The following DUSP22 variants were observed in gnomAD, a reference collection of about 807,000 sequenced individuals.
DUSP22 encodes dual specificity phosphatase 22, also known as dual specificity protein phosphatase 22.
DUSP22 carries 24 observed loss-of-function variants against 24.5 expected under a neutral mutation model. The ratio of observed to expected loss-of-function variants is 0.98; its 90% CI spans 0.71 to 1.38. The LOEUF is 1.38. Among genes scored for constraint, DUSP22 ranks in the 40% most tolerant of loss-of-function variants. DUSP22 has a pLI of 0.00. For missense variants in DUSP22, 330 were observed against 269.2 expected, an observed-to-expected ratio of 1.23 and a Z score of -1.58; for synonymous variants, 160 against 106.4, an observed-to-expected ratio of 1.50 and a Z score of -3.10.
chr6:311,820 C>A (rs1412492165), intron 2 of DUSP22, 60 bp from the exon 3 acceptor site: 12 of 1,478,888 alleles, frequency 8.1e-6, no homozygotes, highest in East Asian at 4.8e-5. Context: ...TCTGGCTAGA[C>A]TTTAGGAGTA....
At position 345,854 on chromosome 6, in the gene DUSP22, G is replaced by A; in HGVS notation, c.189G>A (p.Leu63=). The change falls in exon 5 of 7, where the codon CTG becomes CTA. Residue 63 remains leucine, a splice_region_variant and synonymous_variant. Transcript: ENST00000419235. ...CATTTCTCTTTTTTTCTTTTCCCAG[G>A]ACAAGACATTTCAAAGAAAGTATTA... ...IPAADSPSQN[L]TRHFKESIKF... The A allele has an allele frequency of 6.2e-7, 1 of 1,614,186 alleles. No individual in the cohort carries two copies. The highest frequency in any genetic ancestry group is 8.5e-7 in the Non-Finnish European group (1 of 1,179,992).
chr6:302,901 T>C (rs572553586), intron 1 of DUSP22, among the ~76,000 whole-genome samples: 1 of 152,422 alleles, frequency 6.6e-6, no homozygotes, highest in South Asian at 2.1e-4. Context: ...TCAGGGGAAC[T>C]GGATTAGACA....
intron 4 of DUSP22, among the ~76,000 whole-genome samples, chr6:337,537 C>T (rs921051453): frequency 1.2e-4 from 18 of 152,300 alleles, no homozygotes; most frequent in South Asian, 4.1e-4. Flanking sequence ...TCTCTGAGTT[C>T]TAGGTCTCGT....
rs982465536 is a variant in DUSP22, at chr6:312,461, T to C, written c.138+499T>C. On this transcript the variant is annotated intron_variant, in intron 3 of 6. Transcript: ENST00000419235. ...TCTCGGTGTAGAAGCTGTTGTGTTT[T>C]AGGTTTTCGGGGTAAACAGGGTGTG... Among the ~76,000 whole-genome samples the C allele has an allele frequency of 1.7e-4, 26 of 152,192 alleles. No homozygotes were observed. In the East Asian group the frequency reaches 3.5e-3, roughly 20 times the overall value.
At chr6:313,842 A>G (rs535338605) in intron 3 of DUSP22, among the ~76,000 whole-genome samples, 1 of 152,420 alleles carries the variant, frequency 6.6e-6, no homozygotes, top group South Asian at 2.1e-4. Flanking sequence ...CTGATTGCAC[A>G]GTGGGGAAAA....
At chr6:296,715 A>C (rs1437448037) in intron 1 of DUSP22, among the ~76,000 whole-genome samples, 1 of 152,304 alleles carries the variant, frequency 6.6e-6, no homozygotes, top group African/African-American at 2.4e-5. Flanking sequence ...TCTCTAGCCA[A>C]ACATTATGTC....
chr6:333,156 A>G (rs994467845), intron 3 of DUSP22, among the ~76,000 whole-genome samples: 1 of 152,300 alleles, frequency 6.6e-6, no homozygotes, highest in African/African-American at 2.4e-5. Context: ...CCAGCAGAGC[A>G]CAGCCCACAA....
intron 4 of DUSP22, among the ~76,000 whole-genome samples, chr6:342,051 G>T (rs1392409181): frequency 2.0e-5 from 3 of 152,308 alleles, no homozygotes; most frequent in African/African-American, 7.2e-5. Flanking sequence ...CCACTCCAAG[G>T]TTTCAGTGAA....
intron 3 of DUSP22, among the ~76,000 whole-genome samples, chr6:316,079 C>T (rs1758324550): frequency 6.6e-6 from 1 of 152,306 alleles, no homozygotes; most frequent in Admixed American, 6.5e-5. Flanking sequence ...GGCATTCCAG[C>T]TGGTGGAGAA....
intron 2 of DUSP22, among the ~76,000 whole-genome samples, chr6:310,037 T>A (rs1209780172): frequency 6.6e-6 from 1 of 152,304 alleles, no homozygotes; most frequent in Non-Finnish European, 1.5e-5. Flanking sequence ...CTCGGCTCAC[T>A]GCAACCTCCG....
chr6:327,885 G>C (rs1237166703), intron 3 of DUSP22, among the ~76,000 whole-genome samples: 1 of 152,258 alleles, frequency 6.6e-6, no homozygotes, highest in Non-Finnish European at 1.5e-5. Context: ...TTTGAGGAGC[G>C]AGGGGTGGTA....
intron 1 of DUSP22, among the ~76,000 whole-genome samples, chr6:292,798 G>A (rs540752820): frequency 6.6e-6 from 1 of 152,398 alleles, no homozygotes; most frequent in East Asian, 1.9e-4. Flanking sequence ...TTGCCAGCCG[G>A]TGCGTTTTCG....
chr6:293,941 AATAAAGATGGTCATC>A (rs1757210065), intron 1 of DUSP22, among the ~76,000 whole-genome samples: 1 of 152,272 alleles, frequency 6.6e-6, no homozygotes, highest in South Asian at 2.1e-4. Flanking sequence ...AAAACAGAAC[AATAAAGATGGTCATC>A]ATAAGTCTGT....
intron 1 of DUSP22, among the ~76,000 whole-genome samples, chr6:295,264 A>G (rs1231530739): frequency 1.3e-5 from 2 of 152,290 alleles, no homozygotes; most frequent in Admixed American, 6.5e-5. Context: ...ATTTTTGGCA[A>G]AAGAGCATTT....
In DUSP22 at chr6:345,969, G is replaced by C. The variant is rs751615989; in HGVS notation, c.263+41G>C. The stretch of plus-strand genomic sequence containing the variant: ...GCTTAATAGCGCCTTAGCGTATTCT[G>C]GTCGGCTTGGCTTCCCATCAAGTGT... On this transcript the variant is annotated intron_variant, in intron 5 of 6. Transcript: ENST00000419235. 3.7e-6 allele frequency: 6 copies of C among 1,608,672 alleles called. No individual in the cohort carries two copies. In the African/African-American group the frequency reaches 5.3e-5, roughly 14 times the overall value.
intron 3 of DUSP22, among the ~76,000 whole-genome samples, chr6:316,660 CT>C (rs1461536435): frequency 1.3e-5 from 2 of 152,300 alleles, no homozygotes; most frequent in Admixed American, 6.5e-5. Context: ...AAACAGAACT[CT>C]TTCTAATGTA....
At chr6:331,500 A>G (rs532803366) in intron 3 of DUSP22, among the ~76,000 whole-genome samples, 75 of 152,374 alleles carry the variant, frequency 4.9e-4, no homozygotes, top group African/African-American at 1.6e-3. Context: ...CTTTATTTCT[A>G]TTTCTGTAAA....
chr6:329,186 G>T (rs1191157092), intron 3 of DUSP22, among the ~76,000 whole-genome samples: 9 of 152,306 alleles, frequency 5.9e-5, no homozygotes, highest in African/African-American at 2.2e-4. Context: ...CATCTCCTGG[G>T]TCTACGATCT....
intron 1 of DUSP22, among the ~76,000 whole-genome samples, chr6:295,683 C>G (rs1041775927): frequency 6.6e-6 from 1 of 152,120 alleles, no homozygotes; most frequent in Non-Finnish European, 1.5e-5. Flanking sequence ...GCCTGTAGTC[C>G]CAGCTACTTG....
Sources: gnomAD v4.1 joint callset for allele counts (sites outside exome capture counted in the v4.1 genomes callset) on GRCh38, gnomAD v4.1.1 for gene constraint, MANE v1.5 for transcripts, NCBI Gene and HGNC (gene_info 2026-07-23, HGNC 2026-07-21) for gene names.